The following VEPH1 variants were observed in gnomAD, a reference collection of about 807,000 sequenced individuals.
The protein encoded by VEPH1 is ventricular zone expressed PH domain containing 1.
VEPH1 carries 80 observed loss-of-function variants against 85.2 expected under a neutral mutation model. The ratio of observed to expected loss-of-function variants is 0.94; its 90% CI spans 0.78 to 1.13. The LOEUF (loss-of-function observed/expected upper bound fraction) is 1.13, where lower values mean the gene tolerates loss of function less well. Ranked by LOEUF, VEPH1 falls within the 50% of genes most tolerant of loss-of-function variation. VEPH1 has a pLI of 0.00. For missense variants in VEPH1, 955 were observed against 980.5 expected (o/e 0.97, Z 0.35); for synonymous variants, 297 against 348.0 (o/e 0.85, Z 1.63).
At chr3:157,266,969 C>T (rs1713733423) in intron 12 of VEPH1, among the ~76,000 whole-genome samples, 1 of 152,156 alleles carries the variant, frequency 6.6e-6, no homozygotes. Context: ...GCCTTTTGTA[C>T]ACTACCATTT....
intron 11 of VEPH1, among the ~76,000 whole-genome samples, chr3:157,289,074 C>A (rs1442696580): frequency 6.6e-6 from 1 of 152,112 alleles, no homozygotes; most frequent in Non-Finnish European, 1.5e-5. Context: ...TCAAAGGATA[C>A]AATCCATATT....
At chr3:157,468,532 G>A (rs1413075869) in intron 3 of VEPH1, among the ~76,000 whole-genome samples, 1 of 151,974 alleles carries the variant, frequency 6.6e-6, no homozygotes, top group Non-Finnish European at 1.5e-5. Flanking sequence ...CCGAGATCAC[G>A]CCACTGCACT....
chr3:157,461,821 G>A (rs925062849), intron 3 of VEPH1, among the ~76,000 whole-genome samples: 2 of 151,962 alleles, frequency 1.3e-5, no homozygotes, highest in East Asian at 3.9e-4. Flanking sequence ...ACAAGACAGA[G>A]AAGACAACCC....
At chr3:157,369,193 A>AAAAAC (rs1727180663) in intron 7 of VEPH1, among the ~76,000 whole-genome samples, 1 of 140,572 alleles carries the variant, frequency 7.1e-6, no homozygotes, top group Non-Finnish European at 1.6e-5. Context: ...AAAAAAAAAA[A>AAAAAC]AAAAAAAAAA....
At chr3:157,285,350 G>A (rs1256610112) in intron 12 of VEPH1, 2 of 152,130 alleles carry the variant, frequency 1.3e-5, no homozygotes, top group Non-Finnish European at 2.9e-5. Flanking sequence ...TTTTCCGTGG[G>A]GTAATACATT....
intron 11 of VEPH1, among the ~76,000 whole-genome samples, chr3:157,309,543 G>A (rs549092125): frequency 6.6e-6 from 1 of 152,220 alleles, no homozygotes; most frequent in South Asian, 2.1e-4. Flanking sequence ...TACAAAATGT[G>A]TGTTAGTAAA....
chr3:157,465,585 C>CT (rs1184281875), intron 3 of VEPH1, among the ~76,000 whole-genome samples: 1 of 152,194 alleles, frequency 6.6e-6, no homozygotes, highest in Non-Finnish European at 1.5e-5. Flanking sequence ...ACTGAATAAA[C>CT]TGCTAGATTG....
chr3:157,298,139 C>T (rs1008494920), intron 11 of VEPH1, among the ~76,000 whole-genome samples: 1 of 152,220 alleles, frequency 6.6e-6, no homozygotes, highest in African/African-American at 2.4e-5. Flanking sequence ...TTTATAGCTG[C>T]ACTTACTCTG....
At chr3:157,438,308 G>A (rs1733836277) in intron 4 of VEPH1, among the ~76,000 whole-genome samples, 1 of 151,922 alleles carries the variant, frequency 6.6e-6, no homozygotes, top group African/African-American at 2.4e-5. Flanking sequence ...CCTCCGTTAG[G>A]GATTTCCACG....
At chr3:157,308,733 T>C (rs566830262) in intron 11 of VEPH1, among the ~76,000 whole-genome samples, 1 of 152,222 alleles carries the variant, frequency 6.6e-6, no homozygotes, top group African/African-American at 2.4e-5. Context: ...TTGTCATATT[T>C]GCTATTTCCA....
chr3:157,397,704 T>A (rs1284034165), intron 6 of VEPH1, among the ~76,000 whole-genome samples: 2 of 152,234 alleles, frequency 1.3e-5, no homozygotes, highest in Non-Finnish European at 2.9e-5. Flanking sequence ...ACTTCATTCA[T>A]GATTTGGCTC....
chr3:157,461,183 A>G (rs1031095238), intron 3 of VEPH1, among the ~76,000 whole-genome samples: 1 of 152,268 alleles, frequency 6.6e-6, no homozygotes, highest in African/African-American at 2.4e-5. Flanking sequence ...ATATCCTTAC[A>G]TATAAAGTAG....
At chr3:157,263,530 T>C (rs1000422431) in intron 13 of VEPH1, among the ~76,000 whole-genome samples, 1 of 152,140 alleles carries the variant, frequency 6.6e-6, no homozygotes, top group Non-Finnish European at 1.5e-5. Context: ...ATTCAGGTAG[T>C]CATTTTAAAC....
chr3:157,396,915 T>G (rs926130138), intron 6 of VEPH1, among the ~76,000 whole-genome samples: 1 of 152,220 alleles, frequency 6.6e-6, no homozygotes, highest in Non-Finnish European at 1.5e-5. Context: ...GATGATAGTT[T>G]ATTTTGCTGT....
rs1474810612 is a variant in VEPH1, at chr3:157,446,209, T to C, written c.529+13972A>G. On this transcript the variant is annotated intron_variant, in intron 4 of 13. Transcript: ENST00000362010. Reference sequence around the variant, plus strand: ...ATATATATACATATAAATAATATTATTTGTGTGTGTAGAGTGAACAACTGT... The same window carrying C: ...ATATATATACATATAAATAATATTACTTGTGTGTGTAGAGTGAACAACTGT... 2.6e-5 allele frequency among the ~76,000 whole-genome samples: 4 copies of C among 151,950 alleles called. No homozygotes were observed. In the East Asian group the frequency reaches 7.7e-4, roughly 29 times the overall value.
chr3:157,303,761 T>G (rs773692374), intron 11 of VEPH1, among the ~76,000 whole-genome samples: 1 of 151,934 alleles, frequency 6.6e-6, no homozygotes, highest in Non-Finnish European at 1.5e-5. Context: ...CTCATTCACA[T>G]TTTCTGTTTA....
intron 4 of VEPH1, among the ~76,000 whole-genome samples, chr3:157,447,570 A>C (rs1734643879): frequency 6.6e-6 from 1 of 150,624 alleles, no homozygotes; most frequent in Admixed American, 6.6e-5. Context: ...AAACTCCATG[A>C]GTGGATATGG....
intron 4 of VEPH1, among the ~76,000 whole-genome samples, chr3:157,446,863 C>T (rs1238837564): frequency 6.6e-6 from 1 of 152,148 alleles, no homozygotes; most frequent in Non-Finnish European, 1.5e-5. Flanking sequence ...CAAATCCTGG[C>T]ACCATCACCT....
intron 5 of VEPH1, among the ~76,000 whole-genome samples, chr3:157,417,527 A>G (rs1330811104): frequency 6.6e-6 from 1 of 152,178 alleles, no homozygotes; most frequent in Non-Finnish European, 1.5e-5. Flanking sequence ...GAGACTTTCA[A>G]AAATTTCTCA....
Sources: gnomAD v4.1 joint callset for allele counts (sites outside exome capture counted in the v4.1 genomes callset) on GRCh38, gnomAD v4.1.1 for gene constraint, MANE v1.5 for transcripts, NCBI Gene and HGNC (gene_info 2026-07-23, HGNC 2026-07-21) for gene names.